SNCAIP: variants seen among roughly 807,000 people sequenced by gnomAD.
SNCAIP encodes the protein synphilin-1.
A neutral mutation model predicts 86.7 loss-of-function variants in SNCAIP; 43 were observed. The ratio of observed to expected loss-of-function variants is 0.50; its 90% confidence interval spans 0.39 to 0.64. The LOEUF (loss-of-function observed/expected upper bound fraction) is 0.64. Ranked by LOEUF, SNCAIP falls within the 30% of genes least tolerant of loss-of-function variation. The pLI, the probability that SNCAIP is intolerant of heterozygous loss-of-function variation, is 0.00. For missense variants in SNCAIP, 981 were observed against 1,103.1 expected (o/e 0.89, Z 1.57); for synonymous variants, 417 against 427.2 (o/e 0.98, Z 0.29).
At position 122,437,857 on chromosome 5, in the gene SNCAIP, G is replaced by A. The variant is rs3792732; in HGVS notation, c.1297-2772G>A. On this transcript the variant is annotated intron_variant, in intron 6 of 10. Coordinates refer to ENST00000261368, the MANE Select transcript of SNCAIP (RefSeq NM_005460.4). ...AGATTATCAAGCCCCTGAAAAGTCCGAGGTCCTAGACTCTCCCCACAGATT... is the reference window on the plus strand; with the variant it reads ...AGATTATCAAGCCCCTGAAAAGTCCAAGGTCCTAGACTCTCCCCACAGATT... Among the ~76,000 whole-genome samples the A allele has an allele frequency of 2.0e-4, 30 of 152,258 alleles. 1 individual carries two copies. Among genetic ancestry groups the A allele is most frequent in the East Asian group, 1.7e-3 (9 of 5,168 alleles).
rs1417650562 is a variant in SNCAIP at position 122,403,786 on chromosome 5, C to T, written c.58-7C>T. 17 of 1,611,082 alleles carry T rather than the reference C, an allele frequency of 1.1e-5. No homozygotes were observed. In the Admixed American group the frequency reaches 1.7e-4, roughly 16 times the overall value. The stretch of plus-strand genomic sequence containing the variant: ...TTATGCCCTCTCTTCTCTGGCTTCC[C>T]GTTCAGTATTCAGTCACATCACTCA... On this transcript the variant is annotated splice_region_variant and splice_polypyrimidine_tract_variant and intron_variant, in intron 2 of 10. Coordinates refer to ENST00000261368, the MANE Select transcript of SNCAIP (RefSeq NM_005460.4).
intron 1 of SNCAIP, among the ~76,000 whole-genome samples, chr5:122,330,650 A>G (rs1348271345): frequency 6.6e-6 from 1 of 152,088 alleles, no homozygotes; most frequent in Non-Finnish European, 1.5e-5. Flanking sequence ...ATTTACTGAG[A>G]TGAACAAATG....
intron 1 of SNCAIP, among the ~76,000 whole-genome samples, chr5:122,388,169 C>T (rs1249715294): frequency 2.6e-5 from 4 of 152,260 alleles, no homozygotes; most frequent in Middle Eastern, 3.4e-3. Context: ...GGACTGCAGA[C>T]CCCTGTTGCC....
chr5:122,359,154 AAAT>A (rs1437897917), intron 1 of SNCAIP, among the ~76,000 whole-genome samples: 1 of 152,038 alleles, frequency 6.6e-6, no homozygotes, highest in Admixed American at 6.6e-5. Context: ...ATTCTGTCAG[AAAT>A]AATATGTCAT....
chr5:122,358,314 T>C, intron 1 of SNCAIP, among the ~76,000 whole-genome samples: 1 of 149,922 alleles, frequency 6.7e-6, no homozygotes, highest in Non-Finnish European at 1.5e-5. Flanking sequence ...CATTAACTCG[T>C]CATTTATATT....
chr5:122,339,275 T>A (rs1757095559), intron 1 of SNCAIP, among the ~76,000 whole-genome samples: 1 of 152,232 alleles, frequency 6.6e-6, no homozygotes, highest in Admixed American at 6.5e-5. Context: ...CCTCCGGTGT[T>A]CACATTCCCA....
rs1231223761 is a variant in SNCAIP, at chr5:122,403,841, G to T, written c.106G>T (p.Asp36Tyr). The T allele has an allele frequency of 6.2e-7, 1 of 1,613,882 alleles. No homozygotes were observed. Among genetic ancestry groups the T allele is most frequent in the South Asian group, 1.1e-5 (1 of 91,084 alleles). ...GATCCCAGAACTGTGCCGAAGATGT[G>T]ATACGCAAAACGAAGACAGATCAGG... ...KTIPELCRRCDTQNEDRSVSS... is the reference protein window; with the variant it reads ...KTIPELCRRCYTQNEDRSVSS... Residue 36 changes from aspartate to tyrosine, a missense_variant, in exon 3 of 11, where the codon GAT (aspartate) becomes TAT (tyrosine). Asp to Tyr is a radical substitution (Grantham distance 160). Transcript: ENST00000261368.
At chr5:122,322,162 C>G (rs910939410) in intron 1 of SNCAIP, among the ~76,000 whole-genome samples, 1 of 152,232 alleles carries the variant, frequency 6.6e-6, no homozygotes, top group Admixed American at 6.5e-5. Flanking sequence ...GTCATCACTA[C>G]TCCCTCTGAG....
chr5:122,369,017 A>G (rs1763736425), intron 1 of SNCAIP, among the ~76,000 whole-genome samples: 7 of 152,200 alleles, frequency 4.6e-5, no homozygotes, highest in Admixed American at 4.6e-4. Flanking sequence ...TTTCTGAGTC[A>G]GTGAAGGATC....
Position 122,379,477 on chromosome 5 carries a change from G to C in SNCAIP, c.-46-11612G>C, listed in dbSNP as rs1373137137. On this transcript the variant is annotated intron_variant, in intron 1 of 10. Transcript: ENST00000261368. ...GGTTTTCTAGATATACAATCATGTC[G>C]TCTGCAAACAGGGACAATTTGACTT... Among the ~76,000 whole-genome samples, 76 of 124,220 alleles carry C rather than the reference G, an allele frequency of 6.1e-4. 2 individuals carry two copies. Among genetic ancestry groups the C allele is most frequent in the African/African-American group, 2.2e-3 (71 of 31,972 alleles). The allele number at this position is 124,220 out of a possible 152,430, so 81.5% of individuals were successfully genotyped here.
At chr5:122,371,150 C>CA (rs1272861921) in intron 1 of SNCAIP, among the ~76,000 whole-genome samples, 18 of 151,350 alleles carry the variant, frequency 1.2e-4, no homozygotes, top group East Asian at 3.9e-4. Context: ...ACTGTCTCTA[C>CA]AAAAAAAATT....
chr5:122,400,837 A>G, intron 2 of SNCAIP: 1 of 781,028 alleles, frequency 1.3e-6, no homozygotes, highest in South Asian at 2.7e-5. Context: ...GAAGTGGAAA[A>G]GAAGTCTGGA....
At chr5:122,365,381 A>G (rs1762974627) in intron 1 of SNCAIP, among the ~76,000 whole-genome samples, 1 of 152,158 alleles carries the variant, frequency 6.6e-6, no homozygotes, top group South Asian at 2.1e-4. Flanking sequence ...TTGGCTTCTT[A>G]TAGAAAGATC....
intron 1 of SNCAIP, among the ~76,000 whole-genome samples, chr5:122,315,886 A>T (rs1033318177): frequency 6.6e-6 from 1 of 152,210 alleles, no homozygotes. Flanking sequence ...GGGAGATCCC[A>T]TATTTAGGAT....
chr5:122,398,634 CTTAA>C (rs879510118), intron 2 of SNCAIP, among the ~76,000 whole-genome samples: 4 of 152,166 alleles, frequency 2.6e-5, no homozygotes, highest in East Asian at 3.9e-4. Flanking sequence ...GGATGGCTGG[CTTAA>C]TTGTTTCTTT....
At chr5:122,363,372 T>A (rs6595362) in intron 1 of SNCAIP, among the ~76,000 whole-genome samples, 25 of 152,106 alleles carry the variant, frequency 1.6e-4, no homozygotes, top group Middle Eastern at 6.8e-3. Flanking sequence ...GTTGTCTTTC[T>A]TGCCTGTTCT....
intron 1 of SNCAIP, among the ~76,000 whole-genome samples, chr5:122,356,554 C>G (rs1761061842): frequency 6.6e-6 from 1 of 152,140 alleles, no homozygotes. Flanking sequence ...TACCTCCATG[C>G]TTCCTAACAT....
chr5:122,347,805 A>T (rs1330683676), intron 1 of SNCAIP, among the ~76,000 whole-genome samples: 2 of 152,072 alleles, frequency 1.3e-5, no homozygotes, highest in Non-Finnish European at 2.9e-5. Flanking sequence ...TTTTCACCTA[A>T]CATAGGACCA....
intron 5 of SNCAIP, 103 bp from the exon 6 acceptor site, chr5:122,431,866 A>G (rs968019288): frequency 2.8e-6 from 2 of 723,360 alleles, no homozygotes; most frequent in African/African-American, 3.5e-5. Context: ...ATAAATGCCA[A>G]AATTTATATG....
Sources: gnomAD v4.1 joint callset for allele counts (sites outside exome capture counted in the v4.1 genomes callset) on GRCh38, gnomAD v4.1.1 for gene constraint, MANE v1.5 for transcripts, NCBI Gene and HGNC (gene_info 2026-07-23, HGNC 2026-07-21) for gene names.